The following ATR variants were observed in gnomAD, a reference collection of about 807,000 sequenced individuals.
ATR encodes the protein ATR checkpoint kinase, also known as serine/threonine-protein kinase ATR.
In ATR, 142 loss-of-function variants were observed where a neutral mutation model predicts 305.3. The observed-to-expected ratio is 0.47, with a 90% CI of 0.41 to 0.53. The LOEUF is 0.53. Ranked by LOEUF, ATR falls within the 20% of genes least tolerant of loss-of-function variation. ATR has a pLI of 0.00. For synonymous variants in ATR, 1,050 were observed against 1,068.1 expected (o/e 0.98, Z 0.33); for missense variants, 2,135 against 3,133.1 (o/e 0.68, Z 7.60).
At chr3:142,515,641 T>C in intron 24 of ATR, 126 bp from the exon 25 acceptor site, 1 of 1,048,738 alleles carries the variant, frequency 9.5e-7, no homozygotes, top group Non-Finnish European at 1.4e-6. Context: ...CTGCTTACCT[T>C]TTTCCAGTAT....
intron 26 of ATR, among the ~76,000 whole-genome samples, chr3:142,512,952 G>A (rs1275406680): frequency 2.0e-5 from 3 of 152,074 alleles, no homozygotes; most frequent in Non-Finnish European, 4.4e-5. Context: ...AAGAAAATAT[G>A]TTAACGACTA....
Position 142,509,017 on chromosome 3 carries a change from A to C in ATR, c.4853-908T>G, listed in dbSNP as rs184561762. On this transcript the variant is annotated intron_variant, in intron 27 of 46. Transcript: ENST00000350721. ...GGATAATTTTTCAAGAGTGTACAAA[A>C]AGACAAAAATTAAAAACTTCTAAAT... 4.6e-4 allele frequency among the ~76,000 whole-genome samples: 70 copies of C among 152,168 alleles called. 1 individual carries two copies. Among genetic ancestry groups the C allele is most frequent in the Admixed American group, 4.0e-3 (61 of 15,290 alleles).
intron 24 of ATR, among the ~76,000 whole-genome samples, chr3:142,519,065 TC>T (rs1254670151): frequency 6.6e-6 from 1 of 152,146 alleles, no homozygotes; most frequent in Non-Finnish European, 1.5e-5. Context: ...AGAATTCAAC[TC>T]ACATTCAGCT....
rs373600572 is a variant in ATR, at chr3:142,556,081, G to C, written c.2137C>G (p.Gln713Glu). 6.2e-7 allele frequency: 1 copy of C among 1,613,650 alleles called. No individual in the cohort carries two copies. Among genetic ancestry groups the C allele is most frequent in the Non-Finnish European group, 8.5e-7 (1 of 1,179,802 alleles). ...VKKEFASILG[Q>E]LVCTLHGMFY... ...ATGCCGTGAAGAGTACAGACAAGTT[G>C]ACCAAGTATAGAAGCAAATTCTTTC... The change falls in exon 10 of 47, where the codon CAA (glutamine) becomes GAA (glutamate). Residue 713 changes from glutamine to glutamate, a missense_variant. Transcript: ENST00000350721.
rs2034663402 is a variant in ATR, at chr3:142,556,129, T to C, written c.2089A>G (p.Lys697Glu). Residue 697 changes from lysine (K) to glutamate (E), a missense_variant, in exon 10 of 47, where the codon AAA becomes GAA. This residue lies in a region of ATR where 744 missense variants were observed against 873.2 expected (regional missense o/e 0.85). Coordinates refer to ENST00000350721, the MANE Select transcript of ATR (RefSeq NM_001184.4). Reference protein sequence around the residue: ...RVPKILIDKVKDDSDIVKKEF... With the variant: ...RVPKILIDKVEDDSDIVKKEF... ...TTCTTGACAATGTCAGAATCATCTTTGACTTTATCTCTGGGGAAAAAAAAG... is the reference window on the plus strand; with the variant it reads ...TTCTTGACAATGTCAGAATCATCTTCGACTTTATCTCTGGGGAAAAAAAAG... The C allele has an allele frequency of 6.2e-7, 1 of 1,613,422 alleles. No individual in the cohort carries two copies. Among genetic ancestry groups the C allele is most frequent in the Non-Finnish European group, 8.5e-7 (1 of 1,179,840 alleles).
In ATR at chr3:142,551,536, C is replaced by T. The variant is rs775095511; in HGVS notation, c.2806-1234G>A. Among the ~76,000 whole-genome samples the T allele has an allele frequency of 5.9e-5, 9 of 152,160 alleles. No individual in the cohort carries two copies. In the Middle Eastern group the frequency reaches 0.017, roughly 288 times the overall value. On this transcript the variant is annotated intron_variant, in intron 13 of 46. Transcript: ENST00000350721. ...ATAAGATGACACACCTACAACCATC[C>T]GATCTTTAACAAACCTGACAAAAAC...
intron 36 of ATR, among the ~76,000 whole-genome samples, chr3:142,471,893 T>G (rs368274991): frequency 2.0e-5 from 3 of 152,156 alleles, no homozygotes; most frequent in Non-Finnish European, 4.4e-5. Flanking sequence ...TCCTCACTAC[T>G]CCAACCCCTG....
rs56026468 is a variant in ATR at position 142,524,143 on chromosome 3, C to T, written c.4002G>A (p.Gln1334=). 1.9e-3 allele frequency: 3,078 copies of T among 1,614,080 alleles called. 60 individuals are homozygous for T. In the African/African-American group the frequency reaches 0.034, roughly 18 times the overall value. ...AACCTTTCAAAAGCACTGTCACCAA[C>T]TGTGAGATAATAGGTTCTACTGTTT... ...DSETVEPIIS[Q]LVTVLLKGCQ... is the part of the protein sequence containing the mutation. The change falls in exon 22 of 47, where the codon CAG becomes CAA. Residue 1334 remains glutamine, a synonymous_variant. Coordinates refer to ENST00000350721, the MANE Select transcript of ATR (RefSeq NM_001184.4).
At chr3:142,514,870 C>T (rs1252012391) in intron 25 of ATR, among the ~76,000 whole-genome samples, 3 of 148,298 alleles carry the variant, frequency 2.0e-5, no homozygotes, top group African/African-American at 7.4e-5. Flanking sequence ...TTTAAATATA[C>T]TGTAAACATT....
intron 4 of ATR, 23 bp downstream of exon 4, chr3:142,562,209 T>G: frequency 6.2e-7 from 1 of 1,613,010 alleles, no homozygotes; most frequent in Non-Finnish European, 8.5e-7. Flanking sequence ...CATACTTAAC[T>G]AGTAACCTGA....
intron 18 of ATR, among the ~76,000 whole-genome samples, chr3:142,539,215 G>T (rs1449372406): frequency 2.0e-5 from 3 of 152,096 alleles, no homozygotes; most frequent in Admixed American, 6.6e-5. Context: ...AATGACAGTA[G>T]GCCCAAAGAG....
chr3:142,533,514 T>C (rs1366916534), intron 21 of ATR, among the ~76,000 whole-genome samples: 1 of 152,178 alleles, frequency 6.6e-6, no homozygotes, highest in African/African-American at 2.4e-5. Flanking sequence ...GCTATCTTCT[T>C]GCCACAGTTG....
intron 27 of ATR, among the ~76,000 whole-genome samples, chr3:142,508,490 AT>A (rs2032370394): frequency 1.3e-5 from 2 of 152,240 alleles, no homozygotes. Flanking sequence ...TTTGATGACT[AT>A]AAAAAATGAT....
intron 16 of ATR, among the ~76,000 whole-genome samples, chr3:142,547,514 A>G (rs1378393023): frequency 2.6e-5 from 4 of 152,222 alleles, no homozygotes; most frequent in East Asian, 1.9e-4. Flanking sequence ...TGATAATGCT[A>G]TAAGAAAATA....
intron 9 of ATR, 63 bp downstream of exon 9, chr3:142,556,320 T>G: frequency 3.2e-6 from 5 of 1,553,404 alleles, no homozygotes; most frequent in Admixed American, 1.7e-5. Flanking sequence ...CCTGCATACA[T>G]AGCCAGACAA....
At chr3:142,544,640 AAAT>A in intron 16 of ATR, among the ~76,000 whole-genome samples, 2 of 150,684 alleles carry the variant, frequency 1.3e-5, no homozygotes, top group Non-Finnish European at 3.0e-5. Flanking sequence ...AAAAAAAAAA[AAAT>A]GAGCTGGGAA....
Position 142,556,406 on chromosome 3 carries a change from A to C in ATR, c.2055T>G (p.Cys685Trp). The C allele has an allele frequency of 6.2e-7, 1 of 1,614,060 alleles. No homozygotes were observed. Among genetic ancestry groups the C allele is most frequent in the Non-Finnish European group, 8.5e-7 (1 of 1,179,886 alleles). ...ACATAAGAATCTTGGGAACTCTGTT[A>C]CAAGAATTCTGCTGCTGCAATAAGA... ...FFILLQQQNS[C>W]NRVPKILIDK... Residue 685 changes from cysteine (C) to tryptophan (W), a missense_variant, in exon 9 of 47, where the codon TGT becomes TGG. Cys to Trp is a radical substitution (Grantham distance 215). Transcript: ENST00000350721.
chr3:142,466,176 A>G lies in ATR; in HGVS notation c.6897+148T>C, dbSNP rs536484850. 8.7e-6 allele frequency: 8 copies of G among 917,730 alleles called. No individual in the cohort carries two copies. The East Asian group carries it at 2.1e-4, about 24-fold the overall frequency. 56.8% of individuals were successfully genotyped at this position (917,730 alleles called of 1,614,324 possible). A position where few individuals can be genotyped will look rare whatever the true frequency, so the allele number is the denominator to read the frequency against. On this transcript the variant is annotated intron_variant, in intron 40 of 46. Coordinates refer to ENST00000350721, the MANE Select transcript of ATR (RefSeq NM_001184.4). Reference sequence around the variant, plus strand: ...CTGAATTTTTTTGCCATCAGTACAAATGAGTTTAGTTTTACTCTTCTGTAT... The same window carrying G: ...CTGAATTTTTTTGCCATCAGTACAAGTGAGTTTAGTTTTACTCTTCTGTAT...
intron 2 of ATR, among the ~76,000 whole-genome samples, chr3:142,566,696 A>T (rs2035086131): frequency 6.6e-6 from 1 of 151,130 alleles, no homozygotes; most frequent in African/African-American, 2.4e-5. Context: ...AATTATATCC[A>T]GCACAGCACT....
Sources: gnomAD v4.1 joint callset for allele counts (sites outside exome capture counted in the v4.1 genomes callset) on GRCh38, gnomAD v4.1.1 for gene constraint, gnomAD v4.1.1 regional missense constraint, MANE v1.5 for transcripts, NCBI Gene and HGNC (gene_info 2026-07-23, HGNC 2026-07-21) for gene names.